RUFY3: variants seen among roughly 807,000 people sequenced by gnomAD.
RUFY3 encodes RUN and FYVE domain containing 3, also known as protein RUFY3.
In RUFY3, 34 loss-of-function variants were observed where a neutral mutation model predicts 84.0. The observed-to-expected ratio is 0.40, with a 90% CI of 0.31 to 0.54. The LOEUF (loss-of-function observed/expected upper bound fraction) is 0.54, where lower values mean the gene tolerates loss of function less well. RUFY3 is among the 20% of genes least tolerant of loss of function. The pLI is 0.39. For missense variants in RUFY3, 507 were observed against 736.8 expected, an observed-to-expected ratio of 0.69 and a Z score of 3.61; for synonymous variants, 242 against 252.9, an observed-to-expected ratio of 0.96 and a Z score of 0.41.
At chr4:70,805,468 G>A (rs79709452) in intron 17 of RUFY3, among the ~76,000 whole-genome samples, 286 of 152,280 alleles carry the variant, frequency 1.9e-3, no homozygotes, top group African/African-American at 6.8e-3. Flanking sequence ...ACAAATGAGT[G>A]TATGAAACAC....
At chr4:70,804,689 G>A (rs916063937) in intron 17 of RUFY3, among the ~76,000 whole-genome samples, 4 of 151,314 alleles carry the variant, frequency 2.6e-5, no homozygotes, top group Admixed American at 1.3e-4. Context: ...AGGCCGAGGC[G>A]GGCCGATCAC....
chr4:70,719,370 G>T (rs1742014618), upstream of RUFY3, among the ~76,000 whole-genome samples: 1 of 152,206 alleles, frequency 6.6e-6, no homozygotes, highest in Non-Finnish European at 1.5e-5. Flanking sequence ...TAACCTTGAT[G>T]TTCCTGTTGT....
intron 13 of RUFY3, among the ~76,000 whole-genome samples, chr4:70,794,387 C>T (rs1731249451): frequency 6.6e-6 from 1 of 152,122 alleles, no homozygotes; most frequent in Non-Finnish European, 1.5e-5. Flanking sequence ...TCCAGACCAG[C>T]CTGGCCAAGA....
intron 4 of RUFY3, among the ~76,000 whole-genome samples, chr4:70,766,827 C>T (rs866876051): frequency 2.6e-5 from 4 of 152,234 alleles, no homozygotes; most frequent in South Asian, 2.1e-4. Flanking sequence ...ATCCATATGT[C>T]ATTATAGTAC....
At chr4:70,707,079 A>G (rs1450239467) in intron 1 of RUFY3, among the ~76,000 whole-genome samples, 1 of 151,998 alleles carries the variant, frequency 6.6e-6, no homozygotes, top group Non-Finnish European at 1.5e-5. Flanking sequence ...AGTTGACTGG[A>G]CTCCCTCATT....
chr4:70,710,008 A>T (rs76393250), intron 1 of RUFY3, among the ~76,000 whole-genome samples: 12,855 of 152,238 alleles, frequency 0.084, 1,278 homozygotes, highest in East Asian at 0.22. Flanking sequence ...ACTACCCACT[A>T]CAAAGTTGAG....
chr4:70,708,329 C>G (rs945851464), intron 1 of RUFY3, among the ~76,000 whole-genome samples: 1 of 151,884 alleles, frequency 6.6e-6, no homozygotes, highest in Non-Finnish European at 1.5e-5. Context: ...GCACCACCAC[C>G]CCAGCTATTT....
intron 6 of RUFY3, among the ~76,000 whole-genome samples, chr4:70,774,250 C>G (rs745624390): frequency 6.6e-6 from 1 of 151,950 alleles, no homozygotes; most frequent in African/African-American, 2.4e-5. Flanking sequence ...TATCTTTTGT[C>G]TACTACAGAT....
intron 1 of RUFY3, among the ~76,000 whole-genome samples, chr4:70,735,033 A>G (rs964438652): frequency 1.3e-5 from 2 of 152,232 alleles, no homozygotes; most frequent in African/African-American, 4.8e-5. Context: ...ATCATTTTCC[A>G]AAAAGAAATG....
chr4:70,744,817 G>A (rs1276295777), intron 1 of RUFY3, among the ~76,000 whole-genome samples: 1 of 151,540 alleles, frequency 6.6e-6, no homozygotes, highest in Non-Finnish European at 1.5e-5. Flanking sequence ...ACCACATCTG[G>A]CTAATTTTTG....
chr4:70,749,794 T>G (rs2148668876), intron 1 of RUFY3, among the ~76,000 whole-genome samples: 1 of 151,604 alleles, frequency 6.6e-6, no homozygotes, highest in Admixed American at 6.6e-5. Context: ...GGACTACAGG[T>G]TTGCACCACC....
At chr4:70,759,720 G>A (rs770667191) in intron 1 of RUFY3, among the ~76,000 whole-genome samples, 1 of 152,122 alleles carries the variant, frequency 6.6e-6, no homozygotes, top group Non-Finnish European at 1.5e-5. Context: ...GCCATTCTGA[G>A]TGAATTGTTA....
chr4:70,743,352 G>A (rs554230900), intron 1 of RUFY3, among the ~76,000 whole-genome samples: 2 of 152,214 alleles, frequency 1.3e-5, no homozygotes, highest in African/African-American at 4.8e-5. Flanking sequence ...GATTACAAGT[G>A]TGAACCACTG....
chr4:70,742,948 A>G (rs905002797), intron 1 of RUFY3, among the ~76,000 whole-genome samples: 7 of 152,344 alleles, frequency 4.6e-5, no homozygotes, highest in Admixed American at 3.3e-4. Context: ...AGTTCAGTGA[A>G]AGAACAAATC....
chr4:70,738,625 G>T (rs1720807191), intron 1 of RUFY3, among the ~76,000 whole-genome samples: 1 of 151,886 alleles, frequency 6.6e-6, no homozygotes, highest in Non-Finnish European at 1.5e-5. Context: ...GCCTCCCAAA[G>T]TGCTGGGATT....
intron 7 of RUFY3, among the ~76,000 whole-genome samples, chr4:70,776,408 A>G (rs1209174031): frequency 6.6e-6 from 1 of 151,850 alleles, no homozygotes; most frequent in Non-Finnish European, 1.5e-5. Context: ...CTGTATTTAT[A>G]TTTCTTATTG....
chr4:70,704,409 T>G (rs1240734739), upstream of RUFY3: 1 of 152,326 alleles, frequency 6.6e-6, no homozygotes, highest in East Asian at 1.9e-4. Flanking sequence ...CGCCTCTTCT[T>G]CAACCCAGAT....
chr4:70,730,852 C>T (rs1038260739), intron 1 of RUFY3, among the ~76,000 whole-genome samples: 1 of 152,200 alleles, frequency 6.6e-6, no homozygotes, highest in Non-Finnish European at 1.5e-5. Flanking sequence ...ACACTCCTGT[C>T]CCAGAATTCT....
intron 1 of RUFY3, among the ~76,000 whole-genome samples, chr4:70,754,649 C>G (rs1018080584): frequency 2.0e-5 from 3 of 150,932 alleles, no homozygotes; most frequent in Admixed American, 2.0e-4. Context: ...ACTTTCACTT[C>G]TTTCTTTCAC....
Sources: gnomAD v4.1 joint callset for allele counts (sites outside exome capture counted in the v4.1 genomes callset) on GRCh38, gnomAD v4.1.1 for gene constraint, MANE v1.5 for transcripts, NCBI Gene and HGNC (gene_info 2026-07-23, HGNC 2026-07-21) for gene names.